Variants in STARD13 observed in about 807,000 individuals in gnomAD.
STARD13 encodes the protein stAR-related lipid transfer protein 13.
STARD13 carries 62 observed loss-of-function variants against 106.4 expected under a neutral mutation model. That is an observed-to-expected ratio of 0.58 (90% confidence interval 0.48 to 0.72). The LOEUF is 0.72. STARD13 is among the 30% of genes least tolerant of loss of function. STARD13 has a pLI of 0.00. For missense variants in STARD13, 1,387 were observed against 1,424.0 expected, an observed-to-expected ratio of 0.97 and a Z score of 0.42; for synonymous variants, 565 against 553.0, an observed-to-expected ratio of 1.02 and a Z score of -0.31.
chr13:33,591,289 G>C, the STARD13 span, among the ~76,000 whole-genome samples: 1 of 152,172 alleles, frequency 6.6e-6, no homozygotes, highest in African/African-American at 2.4e-5. Context: ...AGAAAACTCT[G>C]TCTGTTGGAA....
At chr13:33,373,539 G>A in the STARD13 span, among the ~76,000 whole-genome samples, 1 of 152,096 alleles carries the variant, frequency 6.6e-6, no homozygotes, top group Non-Finnish European at 1.5e-5. Context: ...GGAAATATTT[G>A]CAAGTTACAT....
chr13:33,134,490 G>A (rs986031120), intron 4 of STARD13, among the ~76,000 whole-genome samples: 1 of 152,164 alleles, frequency 6.6e-6, no homozygotes, highest in Non-Finnish European at 1.5e-5. Context: ...CATGTCTCAA[G>A]GTTATGATCA....
intron 1 of STARD13, among the ~76,000 whole-genome samples, chr13:33,308,520 C>CTTTTTTT (rs552526416): frequency 2.3e-3 from 207 of 88,542 alleles, no homozygotes; most frequent in Middle Eastern, 7.8e-3. Flanking sequence ...CTTTTTCTTT[C>CTTTTTTT]TTTTTTTTTT....
intron 1 of STARD13, among the ~76,000 whole-genome samples, chr13:33,183,726 G>A (rs1232351153): frequency 6.6e-6 from 1 of 152,064 alleles, no homozygotes; most frequent in East Asian, 1.9e-4. Flanking sequence ...AAGGAGGGCA[G>A]TTCCGGTGAT....
intron 1 of STARD13, among the ~76,000 whole-genome samples, chr13:33,189,006 C>G (rs775484602): frequency 2.0e-5 from 3 of 152,150 alleles, no homozygotes; most frequent in African/African-American, 7.2e-5. Context: ...CTTATTAGAG[C>G]AGACATTTAG....
At chr13:33,626,466 C>T in the STARD13 span, among the ~76,000 whole-genome samples, 1 of 152,152 alleles carries the variant, frequency 6.6e-6, no homozygotes. Context: ...AAATCTTCAC[C>T]TACCTTATTA....
the STARD13 span, among the ~76,000 whole-genome samples, chr13:33,650,297 TCTC>T: frequency 7.0e-6 from 1 of 142,020 alleles, no homozygotes; most frequent in Admixed American, 7.2e-5. Context: ...TTCACGCCAT[TCTC>T]CTGCCTCAGC....
chr13:33,297,210 A>G (rs1892528732), intron 1 of STARD13, among the ~76,000 whole-genome samples: 2 of 152,240 alleles, frequency 1.3e-5, no homozygotes, highest in South Asian at 4.1e-4. Flanking sequence ...ACTGTGTCTT[A>G]TAGTTCAGAC....
the STARD13 span, among the ~76,000 whole-genome samples, chr13:33,642,277 A>T: frequency 1.3e-5 from 2 of 152,238 alleles, no homozygotes; most frequent in African/African-American, 4.8e-5. Flanking sequence ...CCTGGATTTA[A>T]CAAATGCTTA....
the STARD13 span, among the ~76,000 whole-genome samples, chr13:33,464,037 A>ATATATATATATGTATATGTATATG: frequency 2.1e-5 from 3 of 140,982 alleles, no homozygotes; most frequent in African/African-American, 7.7e-5. Flanking sequence ...ATATATATAT[A>ATATATATATATGTATATGTATATG]TATATGTATA....
the STARD13 span, among the ~76,000 whole-genome samples, chr13:33,592,325 A>G: frequency 1.3e-5 from 2 of 152,178 alleles, no homozygotes; most frequent in Non-Finnish European, 2.9e-5. Context: ...AAGTTACTAT[A>G]TTGTATAATA....
the STARD13 span, among the ~76,000 whole-genome samples, chr13:33,545,947 G>C: frequency 3.3e-5 from 5 of 152,154 alleles, no homozygotes. Context: ...TTCCTTTATA[G>C]AAAAATAAAT....
intron 1 of STARD13, among the ~76,000 whole-genome samples, chr13:33,248,118 G>A (rs1432831724): frequency 6.6e-6 from 1 of 152,174 alleles, no homozygotes; most frequent in East Asian, 1.9e-4. Context: ...AGAAGAAGAA[G>A]GCTGGGCATG....
At chr13:33,524,390 A>G in the STARD13 span, 2 of 594,056 alleles carry the variant, frequency 3.4e-6, no homozygotes, top group Non-Finnish European at 4.7e-6. Flanking sequence ...AAAATTTTTT[A>G]AAGAGGTTTT....
At chr13:33,204,540 C>T (rs180836848) in intron 1 of STARD13, among the ~76,000 whole-genome samples, 2 of 152,234 alleles carry the variant, frequency 1.3e-5, no homozygotes, top group African/African-American at 4.8e-5. Context: ...GAAAGAACCC[C>T]GTAGAAACCA....
At chr13:33,660,371 C>A in the STARD13 span, among the ~76,000 whole-genome samples, 2 of 152,208 alleles carry the variant, frequency 1.3e-5, no homozygotes, top group African/African-American at 4.8e-5. Flanking sequence ...TGTTAAAAAT[C>A]TCTCTAATTA....
the STARD13 span, among the ~76,000 whole-genome samples, chr13:33,559,443 A>G: frequency 2.6e-5 from 4 of 151,562 alleles, no homozygotes; most frequent in Non-Finnish European, 4.4e-5. Flanking sequence ...TCCAAAATTC[A>G]TATATAGAAG....
At chr13:33,394,202 T>G in the STARD13 span, among the ~76,000 whole-genome samples, 1 of 150,320 alleles carries the variant, frequency 6.7e-6, no homozygotes, top group Admixed American at 6.6e-5. Context: ...TTTACATTAT[T>G]ATTCCTTTTT....
At chr13:33,269,389 AG>A (rs1891051659) in intron 1 of STARD13, among the ~76,000 whole-genome samples, 1 of 152,192 alleles carries the variant, frequency 6.6e-6, no homozygotes, top group Admixed American at 6.5e-5. Context: ...GTAGGATGGC[AG>A]GGGAACACCA....
Sources: allele counts gnomAD v4.1 joint callset (sites outside exome capture counted in the v4.1 genomes callset), GRCh38; gene constraint gnomAD v4.1.1; transcripts MANE v1.5; gene names NCBI Gene and HGNC (gene_info 2026-07-23, HGNC 2026-07-21).